SCAPER: variants seen among roughly 807,000 people sequenced by gnomAD.
The protein encoded by SCAPER is S-phase cyclin A associated protein in the ER.
Under a neutral mutation model 182.2 loss-of-function variants are expected in SCAPER, and 98 were observed. The observed-to-expected ratio is 0.54, with a 90% CI of 0.46 to 0.64. The LOEUF is 0.64. Among genes scored for constraint, SCAPER ranks in the 30% least tolerant of loss-of-function variants. The pLI, the probability that SCAPER is intolerant of heterozygous loss-of-function variation, is 0.00. For synonymous variants in SCAPER, 605 were observed against 564.6 expected (o/e 1.07, Z -1.01); for missense variants, 1,432 against 1,690.0 (o/e 0.85, Z 2.68).
At chr15:76,438,973 TTTAAG>T (rs1347769092) in intron 25 of SCAPER, among the ~76,000 whole-genome samples, 1 of 152,276 alleles carries the variant, frequency 6.6e-6, no homozygotes, top group East Asian at 1.9e-4. Flanking sequence ...TTTTGCTGGG[TTTAAG>T]TTATTTTACA....
intron 21 of SCAPER, among the ~76,000 whole-genome samples, chr15:76,658,550 G>GA (rs1011543763): frequency 2.0e-5 from 3 of 151,896 alleles, no homozygotes; most frequent in African/African-American, 4.8e-5. Context: ...AACAAAATTA[G>GA]AAAAAAATTA....
intron 23 of SCAPER, among the ~76,000 whole-genome samples, chr15:76,572,068 G>A (rs2047469669): frequency 6.6e-6 from 1 of 152,134 alleles, no homozygotes; most frequent in African/African-American, 2.4e-5. Context: ...CTGGGAGCCA[G>A]ACAACATTTT....
chr15:76,778,954 A>G (rs1337755880), intron 8 of SCAPER, among the ~76,000 whole-genome samples: 3 of 152,096 alleles, frequency 2.0e-5, no homozygotes, highest in Admixed American at 2.0e-4. Flanking sequence ...GGTAAGTAAT[A>G]GAGAATCCTG....
chr15:76,789,343 T>C (rs1447573311), intron 8 of SCAPER, among the ~76,000 whole-genome samples: 1 of 152,154 alleles, frequency 6.6e-6, no homozygotes, highest in Non-Finnish European at 1.5e-5. Context: ...AGTTTCCAGT[T>C]AACTGGCTCA....
intron 7 of SCAPER, among the ~76,000 whole-genome samples, chr15:76,796,876 A>G (rs1262041656): frequency 6.6e-6 from 1 of 152,208 alleles, no homozygotes; most frequent in African/African-American, 2.4e-5. Context: ...TTTAAAGGCA[A>G]TACTACCTAA....
chr15:76,832,980 T>G (rs1204028186), intron 5 of SCAPER, among the ~76,000 whole-genome samples: 1 of 152,172 alleles, frequency 6.6e-6, no homozygotes, highest in Admixed American at 6.5e-5. Flanking sequence ...AAACTGTCCA[T>G]GAAAATTTCC....
At chr15:76,729,998 T>C (rs1380658600) in intron 16 of SCAPER, among the ~76,000 whole-genome samples, 2 of 152,120 alleles carry the variant, frequency 1.3e-5, no homozygotes, top group Non-Finnish European at 2.9e-5. Context: ...ACTACTTACA[T>C]AACCTTGGGC....
chr15:76,863,280 C>A (rs1428757812), intron 2 of SCAPER, among the ~76,000 whole-genome samples: 2 of 152,190 alleles, frequency 1.3e-5, no homozygotes, highest in Non-Finnish European at 2.9e-5. Context: ...GATCATAAAA[C>A]ACCCATGTGA....
chr15:76,830,448 A>C lies in SCAPER; in HGVS notation c.393+11286T>G, dbSNP rs540287964. On this transcript the variant is annotated intron_variant, in intron 5 of 31. Transcript: ENST00000563290. ...AGTCCTGTTAGAAGGCTTCACTTGTAATCTAAGCATTTTATGACAGCTTGG... is the reference window on the plus strand; with the variant it reads ...AGTCCTGTTAGAAGGCTTCACTTGTCATCTAAGCATTTTATGACAGCTTGG... Among the ~76,000 whole-genome samples, 7 of 152,298 alleles carry C rather than the reference A, an allele frequency of 4.6e-5. No homozygotes were observed. The East Asian group carries it at 1.4e-3, about 29-fold the overall frequency.
chr15:76,803,275 A>T (rs565371015), intron 6 of SCAPER, among the ~76,000 whole-genome samples: 2 of 152,206 alleles, frequency 1.3e-5, no homozygotes, highest in Non-Finnish European at 2.9e-5. Flanking sequence ...AAGATATCAC[A>T]CATGCTGTTA....
intron 22 of SCAPER, among the ~76,000 whole-genome samples, chr15:76,604,241 A>C (rs2050158315): frequency 8.3e-6 from 1 of 120,972 alleles, no homozygotes; most frequent in South Asian, 2.6e-4. Flanking sequence ...CTTTCTACAT[A>C]TGGCTAGCCA....
chr15:76,390,258 G>A (rs1166966649), intron 27 of SCAPER, among the ~76,000 whole-genome samples: 1 of 152,164 alleles, frequency 6.6e-6, no homozygotes, highest in African/African-American at 2.4e-5. Flanking sequence ...CCTGGCTAAA[G>A]AGGAACTCTT....
chr15:76,558,006 G>C (rs1455285626), intron 23 of SCAPER, among the ~76,000 whole-genome samples: 2 of 152,098 alleles, frequency 1.3e-5, no homozygotes, highest in Admixed American at 6.6e-5. Context: ...ATTCAAAATG[G>C]ATTAAAGACT....
At chr15:76,903,582 C>T (rs1000121113) in intron 1 of SCAPER, among the ~76,000 whole-genome samples, 1 of 152,200 alleles carries the variant, frequency 6.6e-6, no homozygotes, top group Non-Finnish European at 1.5e-5. Flanking sequence ...TATCACCAAA[C>T]ACTGAATCAT....
chr15:76,375,510 CA>C (rs1288393683), intron 29 of SCAPER, among the ~76,000 whole-genome samples: 1 of 151,890 alleles, frequency 6.6e-6, no homozygotes, highest in Non-Finnish European at 1.5e-5. Context: ...ACTACCTTAT[CA>C]AAACAAAAAC....
At chr15:76,755,102 G>A (rs2062337595) in intron 14 of SCAPER, among the ~76,000 whole-genome samples, 1 of 152,056 alleles carries the variant, frequency 6.6e-6, no homozygotes, top group Non-Finnish European at 1.5e-5. Flanking sequence ...TGAATACTTG[G>A]AGATCATATT....
chr15:76,603,718 C>A (rs1450404255), intron 22 of SCAPER, among the ~76,000 whole-genome samples: 1 of 121,142 alleles, frequency 8.3e-6, no homozygotes, highest in Non-Finnish European at 2.0e-5. Flanking sequence ...TTAATGATCG[C>A]CATTCTAACT....
intron 26 of SCAPER, among the ~76,000 whole-genome samples, chr15:76,409,415 A>T (rs2045113048): frequency 6.6e-6 from 1 of 152,150 alleles, no homozygotes; most frequent in African/African-American, 2.4e-5. Flanking sequence ...TTGCTTTGCC[A>T]TTTGAAATTT....
At chr15:76,832,966 T>A (rs3099135) in intron 5 of SCAPER, among the ~76,000 whole-genome samples, 3 of 152,100 alleles carry the variant, frequency 2.0e-5, no homozygotes, top group Non-Finnish European at 4.4e-5. Context: ...GAACTAATAC[T>A]CAGAAACTGT....
Sources: gnomAD v4.1 joint callset for allele counts (sites outside exome capture counted in the v4.1 genomes callset) on GRCh38, gnomAD v4.1.1 for gene constraint, MANE v1.5 for transcripts, NCBI Gene and HGNC (gene_info 2026-07-23, HGNC 2026-07-21) for gene names.